The following TCF20 variants were observed in gnomAD, a reference collection of about 807,000 sequenced individuals.
TCF20 encodes the protein transcription factor 20, also known as SPRE-binding protein.
Under a neutral mutation model 148.6 loss-of-function variants are expected in TCF20, and 3 were observed. The ratio of observed to expected loss-of-function variants is 0.02; its 90% CI spans 0.01 to 0.05. The LOEUF (loss-of-function observed/expected upper bound fraction) is 0.05, where lower values mean the gene tolerates loss of function less well. TCF20 is among the 10% of genes least tolerant of loss of function. The pLI, the probability that TCF20 is intolerant of heterozygous loss-of-function variation, is 1.00. For synonymous variants in TCF20, 1,049 were observed against 909.5 expected (o/e 1.15, Z -2.76); for missense variants, 2,350 against 2,429.3 (o/e 0.97, Z 0.69).
At chr22:42,318,452 C>T (rs887174256) in intron 1 of TCF20, among the ~76,000 whole-genome samples, 19 of 152,278 alleles carry the variant, frequency 1.2e-4, no homozygotes, top group African/African-American at 3.9e-4. Context: ...AGGAGTGCGG[C>T]GCAGCGGAAC....
chr22:42,242,282 T>C (rs980545248), intron 1 of TCF20, among the ~76,000 whole-genome samples: 1 of 149,768 alleles, frequency 6.7e-6, no homozygotes, highest in Non-Finnish European at 1.5e-5. Flanking sequence ...GGTGGACTCT[T>C]AGAATGAGAA....
chr22:42,336,541 C>T (rs1265334882), intron 1 of TCF20, among the ~76,000 whole-genome samples: 1 of 152,158 alleles, frequency 6.6e-6, no homozygotes, highest in Non-Finnish European at 1.5e-5. Flanking sequence ...CCTCCTTCAC[C>T]CGTCTCTGCC....
At chr22:42,307,266 C>G (rs568592224) in intron 1 of TCF20, among the ~76,000 whole-genome samples, 105 of 152,254 alleles carry the variant, frequency 6.9e-4, no homozygotes, top group African/African-American at 2.5e-3. Context: ...GCATCCTCGC[C>G]CCGGAATGTG....
At chr22:42,277,187 A>C (rs1358830402) in intron 1 of TCF20, 1 of 152,166 alleles carries the variant, frequency 6.6e-6, no homozygotes, top group Non-Finnish European at 1.5e-5. Context: ...ACAGATTGAA[A>C]TTATATCCTC....
chr22:42,304,447 C>G (rs1296402861), intron 1 of TCF20, among the ~76,000 whole-genome samples: 1 of 152,212 alleles, frequency 6.6e-6, no homozygotes, highest in Non-Finnish European at 1.5e-5. Context: ...CCACATCCCC[C>G]AGCCTTTCCC....
chr22:42,199,932 AT>A, intron 2 of TCF20, among the ~76,000 whole-genome samples: 1 of 143,718 alleles, frequency 7.0e-6, no homozygotes, highest in East Asian at 2.0e-4. Context: ...GATAGCTTAA[AT>A]TTTTTTGGTA....
chr22:42,323,877 G>GGTGGTA (rs1927786342), intron 1 of TCF20, among the ~76,000 whole-genome samples: 4 of 125,864 alleles, frequency 3.2e-5, no homozygotes, highest in Non-Finnish European at 3.6e-5. Context: ...TGGTGGTGGT[G>GGTGGTA]GTGGTGATGG....
At chr22:42,262,065 C>T (rs772822771) in intron 1 of TCF20, among the ~76,000 whole-genome samples, 14 of 152,096 alleles carry the variant, frequency 9.2e-5, no homozygotes, top group Non-Finnish European at 1.2e-4. Context: ...ACTGGAGGGC[C>T]GTGAACAAAA....
Position 42,338,814 on chromosome 22 carries a change from C to T in TCF20, c.-37+4665G>A, listed in dbSNP as rs934342132. On this transcript the variant is annotated intron_variant, in intron 1 of 1. Coordinates refer to the TCF20 transcript ENST00000515426. This position sits in a 1 kb window ranked among gnomAD's most constrained non-coding sequence, Gnocchi z 4.0. Reference sequence around the variant, plus strand: ...GATGACAGTTTATTTCAACACATCTCGTATTAAATTGGGCTGGAGTCCCTT... The same window carrying T: ...GATGACAGTTTATTTCAACACATCTTGTATTAAATTGGGCTGGAGTCCCTT... Among the ~76,000 whole-genome samples the T allele has an allele frequency of 2.0e-5, 3 of 152,158 alleles. No individual in the cohort carries two copies. Among genetic ancestry groups the T allele is most frequent in the Non-Finnish European group, 4.4e-5 (3 of 68,028 alleles).
intron 2 of TCF20, among the ~76,000 whole-genome samples, chr22:42,198,509 A>G (rs1451955310): frequency 6.6e-6 from 1 of 152,216 alleles, no homozygotes; most frequent in African/African-American, 2.4e-5. Flanking sequence ...TAAGCTAAGC[A>G]CATCCTCCTG....
At chr22:42,185,076 T>C (rs1249159068) in intron 2 of TCF20, among the ~76,000 whole-genome samples, 1 of 152,232 alleles carries the variant, frequency 6.6e-6, no homozygotes, top group Non-Finnish European at 1.5e-5. Context: ...AGAAAGGCTC[T>C]TTCTTATGAG....
At chr22:42,163,717 G>A (rs989139561) in intron 5 of TCF20, among the ~76,000 whole-genome samples, 4 of 152,194 alleles carry the variant, frequency 2.6e-5, no homozygotes, top group African/African-American at 9.7e-5. Flanking sequence ...GTCCCCGACA[G>A]TGAGCCTGGG....
At chr22:42,314,372 C>A (rs754108738) in intron 1 of TCF20, among the ~76,000 whole-genome samples, 16 of 152,266 alleles carry the variant, frequency 1.1e-4, no homozygotes, top group Non-Finnish European at 1.9e-4. Flanking sequence ...CGCCGATGGG[C>A]TCTCAGCGAA....
rs757265844 is a variant in TCF20, at chr22:42,212,563, C to T, written c.2743G>A (p.Val915Met). ...SQSVILPGGLVSMETKLKSQS... is the reference protein window; with the variant it reads ...SQSVILPGGLMSMETKLKSQS... ...GATTTCAGCTTGGTTTCCATGGACA[C>T]CAAACCACCAGGAAGAATGACCGAC... is the stretch of plus-strand genomic sequence containing the variant. Residue 915 changes from valine (V) to methionine (M), a missense_variant, in exon 2 of 6, where the codon GTG (valine) becomes ATG (methionine). Around this residue, in one of 7 missense-constraint regions of TCF20, gnomAD observed 1,641 missense variants for 1,662.6 expected, o/e 0.99. Transcript: ENST00000677622. 5.6e-6 allele frequency: 9 copies of T among 1,613,910 alleles called. No homozygotes were observed. In the Admixed American group the frequency reaches 6.7e-5, roughly 12 times the overall value.
intron 1 of TCF20, among the ~76,000 whole-genome samples, chr22:42,255,529 AAAC>A (rs373051466): frequency 3.3e-4 from 44 of 131,818 alleles, no homozygotes; most frequent in African/African-American, 1.1e-3. Context: ...AACAACAACA[AAAC>A]CACATTATTT....
intron 2 of TCF20, among the ~76,000 whole-genome samples, chr22:42,195,758 C>T (rs901170382): frequency 6.6e-6 from 1 of 152,194 alleles, no homozygotes; most frequent in African/African-American, 2.4e-5. Context: ...CCTCGGCCTC[C>T]CACAGTGCCA....
At chr22:42,244,521 G>T (rs1482289591) in intron 1 of TCF20, among the ~76,000 whole-genome samples, 1 of 152,164 alleles carries the variant, frequency 6.6e-6, no homozygotes, top group Non-Finnish European at 1.5e-5. Context: ...CGCGCTAAGT[G>T]AAAGAAGTCA....
intron 1 of TCF20, among the ~76,000 whole-genome samples, chr22:42,319,235 G>C (rs1927689196): frequency 6.6e-6 from 1 of 152,150 alleles, no homozygotes; most frequent in Admixed American, 6.5e-5. Flanking sequence ...GCTGTGGGAG[G>C]ACATTCCAAG....
intron 1 of TCF20, among the ~76,000 whole-genome samples, chr22:42,326,416 C>T (rs894833900): frequency 1.3e-5 from 2 of 152,220 alleles, no homozygotes; most frequent in African/African-American, 2.4e-5. Context: ...GCCCAAGAGC[C>T]GTGCACCAAA....
Sources: allele counts gnomAD v4.1 joint callset (sites outside exome capture counted in the v4.1 genomes callset), GRCh38; gene constraint gnomAD v4.1.1; regional missense constraint gnomAD v4.1.1; non-coding constraint Gnocchi (gnomAD v3.1); transcripts MANE v1.5; gene names NCBI Gene and HGNC (gene_info 2026-07-23, HGNC 2026-07-21).